The following ZBTB20 variants were observed in gnomAD, a reference collection of about 807,000 sequenced individuals.
ZBTB20 encodes zinc finger and BTB domain-containing protein 20.
A neutral mutation model predicts 56.9 loss-of-function variants in ZBTB20; 9 were observed. The ratio of observed to expected loss-of-function variants is 0.16; its 90% CI spans 0.10 to 0.28. The LOEUF is 0.28. Among genes scored for constraint, ZBTB20 ranks in the 10% least tolerant of loss-of-function variants. The pLI, the probability that ZBTB20 is intolerant of heterozygous loss-of-function variation, is 1.00. For missense variants in ZBTB20, 655 were observed against 1,003.0 expected, an observed-to-expected ratio of 0.65 and a Z score of 4.69; for synonymous variants, 417 against 420.7, an observed-to-expected ratio of 0.99 and a Z score of 0.11.
chr3:114,600,986 C>G (rs2056719492), intron 6 of ZBTB20, among the ~76,000 whole-genome samples: 1 of 150,804 alleles, frequency 6.6e-6, no homozygotes, highest in African/African-American at 2.4e-5. Context: ...CTAGGGACAT[C>G]CTTTTACTTA....
intron 6 of ZBTB20, among the ~76,000 whole-genome samples, chr3:114,548,361 A>G (rs2050146728): frequency 6.6e-6 from 1 of 152,112 alleles, no homozygotes; most frequent in Admixed American, 6.5e-5. Context: ...GACCTTTTAC[A>G]TTATCTCATT....
chr3:114,741,501 G>T (rs183856169), intron 5 of ZBTB20, among the ~76,000 whole-genome samples: 96 of 152,236 alleles, frequency 6.3e-4, no homozygotes, highest in Admixed American at 4.3e-3. Context: ...AACACTGGTG[G>T]AGATAAGCAA....
intron 7 of ZBTB20, among the ~76,000 whole-genome samples, chr3:114,433,354 T>G (rs150318373): frequency 0.018 from 2,761 of 152,284 alleles, 29 homozygotes; most frequent in Middle Eastern, 0.068. Context: ...CTCTACTTTA[T>G]TCTATACTTT....
In ZBTB20 at chr3:115,041,737, G is replaced by C. The variant is rs182055088; in HGVS notation, c.-507+29482C>G. ...AACACAAAAATAGTTTGTAACTTAA[G>C]ATGTAAAAGATTCCAAATAACTATA... On this transcript the variant is annotated intron_variant, in intron 2 of 11. Transcript: ENST00000675478. Among the ~76,000 whole-genome samples the C allele has an allele frequency of 2.6e-3, 396 of 152,268 alleles. 3 individuals are homozygous for C. Among genetic ancestry groups the C allele is most frequent in the Middle Eastern group, 3.4e-3 (1 of 294 alleles).
intron 1 of ZBTB20, among the ~76,000 whole-genome samples, chr3:115,140,259 G>A (rs1239926535): frequency 6.6e-6 from 1 of 151,980 alleles, no homozygotes; most frequent in African/African-American, 2.4e-5. Flanking sequence ...TGAGATTTTT[G>A]ACAATGTATA....
chr3:115,006,818 GT>G (rs2079492532), intron 2 of ZBTB20, among the ~76,000 whole-genome samples: 2 of 151,514 alleles, frequency 1.3e-5, no homozygotes, highest in Admixed American at 1.3e-4. Context: ...TTTGTTTAGC[GT>G]TTTGGTACTA....
chr3:115,101,152 G>A (rs768760009), intron 1 of ZBTB20, among the ~76,000 whole-genome samples: 2 of 152,128 alleles, frequency 1.3e-5, no homozygotes, highest in Non-Finnish European at 2.9e-5. Flanking sequence ...GTACATAGTG[G>A]TACAACAACA....
chr3:114,812,926 T>G lies in ZBTB20; in HGVS notation c.-416-11752A>C, dbSNP rs563007135. Among the ~76,000 whole-genome samples the G allele has an allele frequency of 2.6e-3, 389 of 152,092 alleles. 2 individuals are homozygous for G. The highest frequency in any genetic ancestry group is 5.8e-3 in the Admixed American group (88 of 15,298). Reference sequence around the variant, plus strand: ...TAAGCCCCTCACTGCCCGGGGCCGGTGGGGCAGGCCGGCCGCTCCGAGTGC... The same window carrying G: ...TAAGCCCCTCACTGCCCGGGGCCGGGGGGGCAGGCCGGCCGCTCCGAGTGC... On this transcript the variant is annotated intron_variant, in intron 4 of 11. Transcript: ENST00000675478.
chr3:114,726,240 T>C (rs1053872047), intron 5 of ZBTB20, among the ~76,000 whole-genome samples: 1 of 152,094 alleles, frequency 6.6e-6, no homozygotes, highest in Non-Finnish European at 1.5e-5. Flanking sequence ...GGGTGGGGTG[T>C]TTTGATATGA....
intron 2 of ZBTB20, among the ~76,000 whole-genome samples, chr3:114,992,021 T>A (rs2078835656): frequency 6.6e-6 from 1 of 151,768 alleles, no homozygotes; most frequent in South Asian, 2.1e-4. Context: ...TCTCTCTTTC[T>A]CTCCTAAACT....
At chr3:114,922,433 A>G (rs2075995704) in intron 3 of ZBTB20, among the ~76,000 whole-genome samples, 1 of 152,176 alleles carries the variant, frequency 6.6e-6, no homozygotes, top group South Asian at 2.1e-4. Flanking sequence ...TGCAGCAAAA[A>G]AAGAAAAAAA....
intron 6 of ZBTB20, among the ~76,000 whole-genome samples, chr3:114,581,131 T>G (rs1473808775): frequency 6.6e-6 from 1 of 151,910 alleles, no homozygotes; most frequent in Admixed American, 6.6e-5. Context: ...ATAAACAGAT[T>G]TGATATAGGC....
intron 1 of ZBTB20, among the ~76,000 whole-genome samples, chr3:115,146,833 G>A (rs940763921): frequency 3.3e-5 from 5 of 152,098 alleles, no homozygotes; most frequent in Admixed American, 1.3e-4. Context: ...TCCAGGCGCA[G>A]GGAGTAGAGA....
chr3:115,006,076 C>A (rs566179520), intron 2 of ZBTB20, among the ~76,000 whole-genome samples: 5 of 151,476 alleles, frequency 3.3e-5, no homozygotes, highest in South Asian at 4.2e-4. Flanking sequence ...ATGGAGGCTT[C>A]AAACATCCTA....
At chr3:114,426,337 C>CAA (rs60778829) in intron 7 of ZBTB20, among the ~76,000 whole-genome samples, 53 of 109,508 alleles carry the variant, frequency 4.8e-4, no homozygotes, top group African/African-American at 2.2e-3. Flanking sequence ...GACTCCATCT[C>CAA]AAAAAAAAAA....
chr3:114,704,372 T>TTA (rs896548133), intron 5 of ZBTB20, among the ~76,000 whole-genome samples: 6 of 150,316 alleles, frequency 4.0e-5, no homozygotes, highest in Non-Finnish European at 7.4e-5. Flanking sequence ...AGACATATAT[T>TTA]TATATATATA....
At chr3:114,876,117 G>GT (rs1265770389) in intron 4 of ZBTB20, among the ~76,000 whole-genome samples, 1 of 145,240 alleles carries the variant, frequency 6.9e-6, no homozygotes, top group Non-Finnish European at 1.5e-5. Flanking sequence ...TGCACCTGTA[G>GT]TTTGTTTTTT....
intron 11 of ZBTB20, among the ~76,000 whole-genome samples, chr3:114,345,703 G>C (rs1219875654): frequency 6.6e-6 from 1 of 152,088 alleles, no homozygotes; most frequent in African/African-American, 2.4e-5. Flanking sequence ...GGATGTCTGG[G>C]GTGGGGGTGA....
intron 6 of ZBTB20, among the ~76,000 whole-genome samples, chr3:114,662,565 T>C (rs2060799184): frequency 7.0e-6 from 1 of 142,496 alleles, no homozygotes; most frequent in Non-Finnish European, 1.5e-5. Context: ...CTCCAGCACC[T>C]GTTGTTTCCT....
Sources: gnomAD v4.1 joint callset for allele counts (sites outside exome capture counted in the v4.1 genomes callset) on GRCh38, gnomAD v4.1.1 for gene constraint, MANE v1.5 for transcripts, NCBI Gene and HGNC (gene_info 2026-07-23, HGNC 2026-07-21) for gene names.